MEF2D: variants seen among roughly 807,000 people sequenced by gnomAD.
The protein encoded by MEF2D is myocyte enhancer factor 2D.
Under a neutral mutation model 59.3 loss-of-function variants are expected in MEF2D, and 10 were observed. That is an observed-to-expected ratio of 0.17 (90% CI 0.10 to 0.29). The LOEUF (loss-of-function observed/expected upper bound fraction) is 0.29. MEF2D is among the 10% of genes least tolerant of loss of function. The pLI is 1.00. For missense variants in MEF2D, 508 were observed against 699.4 expected (o/e 0.73, Z 3.09); for synonymous variants, 305 against 295.0 (o/e 1.03, Z -0.35).
intron 1 of MEF2D, among the ~76,000 whole-genome samples, chr1:156,496,892 T>A (rs1385709525): frequency 6.6e-6 from 1 of 152,198 alleles, no homozygotes; most frequent in African/African-American, 2.4e-5. Flanking sequence ...CGCCTCAGAA[T>A]ACTTTCAGCC....
intron 9 of MEF2D, among the ~76,000 whole-genome samples, chr1:156,469,842 T>C (rs960945473): frequency 6.6e-6 from 1 of 151,424 alleles, no homozygotes; most frequent in Non-Finnish European, 1.5e-5. Flanking sequence ...GCTATGATCA[T>C]GCCACTGCAC....
In MEF2D at chr1:156,477,206, G is replaced by C; in HGVS notation, c.665-4C>G. The C allele has an allele frequency of 6.3e-7, 1 of 1,591,352 alleles. No individual in the cohort carries two copies. The highest frequency in any genetic ancestry group is 8.6e-7 in the Non-Finnish European group (1 of 1,167,600). On this transcript the variant is annotated splice_polypyrimidine_tract_variant and splice_region_variant and intron_variant, in intron 6 of 11. Coordinates refer to ENST00000348159, the MANE Select transcript of MEF2D (RefSeq NM_005920.4). ...CGAGCACTGACGTAGCCATTCCCTG[G>C]AGAAGTGACAACAAGAGGGTAAAAG... is the stretch of plus-strand genomic sequence containing the variant.
Position 156,479,635 on chromosome 1 carries a change from T to C in MEF2D, c.558A>G (p.Leu186=). The C allele has an allele frequency of 3.2e-6, 5 of 1,553,090 alleles. No individual in the cohort carries two copies. The highest frequency in any genetic ancestry group is 1.2e-5 in the South Asian group (1 of 84,146). Residue 186 remains leucine (L), a synonymous_variant, in exon 5 of 12, where the codon CTA becomes CTG. Transcript: ENST00000348159. ...PRLLSPQQPA[L]QRNSVSPGLP... is the part of the protein sequence containing the mutation. ...GGCCAGGAGACACACTGTTCCTCTGTAGTGCTGGCTGCTGGGGGGACAGGA... is the reference window on the plus strand; with the variant it reads ...GGCCAGGAGACACACTGTTCCTCTGCAGTGCTGGCTGCTGGGGGGACAGGA...
intron 1 of MEF2D, among the ~76,000 whole-genome samples, 171 bp from the exon 2 acceptor site, chr1:156,483,601 G>A (rs1191709375): frequency 6.6e-6 from 1 of 152,184 alleles, no homozygotes; most frequent in East Asian, 1.9e-4. Flanking sequence ...CCACAGCCAG[G>A]CACAAGCTGG....
In MEF2D at chr1:156,489,881, T is replaced by C. The variant is rs74116856; in HGVS notation, c.-138-6451A>G. On this transcript the variant is annotated intron_variant, in intron 1 of 11. Transcript: ENST00000348159. The stretch of plus-strand genomic sequence containing the variant: ...CCCAGCTGAATCCCCAGGCCCTGCC[T>C]TATTACCCAGTCTACCCTCAGGTTC... Among the ~76,000 whole-genome samples, 1,440 of 152,244 alleles carry C rather than the reference T, an allele frequency of 9.5e-3. 16 individuals carry two copies. Among genetic ancestry groups the C allele is most frequent in the South Asian group, 0.029 (140 of 4,830 alleles).
intron 1 of MEF2D, among the ~76,000 whole-genome samples, chr1:156,487,951 C>T (rs1049913018): frequency 2.0e-4 from 31 of 152,374 alleles, no homozygotes; most frequent in African/African-American, 7.0e-4. Flanking sequence ...AGGACTTGGG[C>T]TACCAAAGAG....
intron 9 of MEF2D, among the ~76,000 whole-genome samples, chr1:156,474,079 T>A (rs1378202242): frequency 1.3e-5 from 2 of 152,168 alleles, no homozygotes; most frequent in Non-Finnish European, 2.9e-5. Context: ...GCCTGAATGA[T>A]CTGCAGACCT....
intron 1 of MEF2D, among the ~76,000 whole-genome samples, chr1:156,497,737 A>C (rs1306259324): frequency 6.6e-6 from 1 of 152,110 alleles, no homozygotes; most frequent in East Asian, 1.9e-4. Flanking sequence ...TGTGTGGCAA[A>C]GTGTCCAACC....
At chr1:156,480,580 A>C in intron 4 of MEF2D, 7 of 1,487,604 alleles carry the variant, frequency 4.7e-6, no homozygotes, top group Non-Finnish European at 6.3e-6. Context: ...AGGGCAGCCG[A>C]GAGCCAGGGC....
chr1:156,468,707 C>T lies in MEF2D; in HGVS notation c.1247+73G>A, dbSNP rs1571213929. 1 of 1,560,370 alleles carries T rather than the reference C, an allele frequency of 6.4e-7. No homozygotes were observed. Among genetic ancestry groups the T allele is most frequent in the East Asian group, 2.3e-5 (1 of 44,264 alleles). On this transcript the variant is annotated intron_variant, in intron 10 of 11. Transcript: ENST00000348159. This position sits in a 1 kb window ranked among gnomAD's most constrained non-coding sequence, Gnocchi z 4.3. ...CTAGAACCCTGCAGGGAACCCAGCT[C>T]CCAAGAGGTCCCTCCTCTTCCCGTT... is the stretch of plus-strand genomic sequence containing the variant.
intron 9 of MEF2D, among the ~76,000 whole-genome samples, chr1:156,471,913 A>G (rs1411753644): frequency 6.6e-6 from 1 of 152,168 alleles, no homozygotes. Context: ...GAGATGAGAA[A>G]TCTCACACAC....
intron 6 of MEF2D, among the ~76,000 whole-genome samples, chr1:156,477,413 T>G (rs1671688116): frequency 6.6e-6 from 1 of 152,162 alleles, no homozygotes; most frequent in African/African-American, 2.4e-5. Flanking sequence ...ATCTTTAGGT[T>G]CGTTCCCCTA....
intron 7 of MEF2D, 116 bp from the exon 8 acceptor site, chr1:156,476,630 C>T: frequency 7.8e-7 from 1 of 1,283,538 alleles, no homozygotes; most frequent in Non-Finnish European, 1.1e-6. Flanking sequence ...GGTGGCTCTA[C>T]CCAGCCTACA....
chr1:156,481,804 G>A (rs961879996), intron 3 of MEF2D, among the ~76,000 whole-genome samples: 1 of 152,192 alleles, frequency 6.6e-6, no homozygotes, highest in African/African-American at 2.4e-5. Flanking sequence ...TGAGAAGCAG[G>A]GACATTCAAT....
At chr1:156,492,472 C>T (rs1354507329) in intron 1 of MEF2D, among the ~76,000 whole-genome samples, 1 of 152,218 alleles carries the variant, frequency 6.6e-6, no homozygotes, top group Non-Finnish European at 1.5e-5. Context: ...GACAACCAAT[C>T]TCCTACCTAC....
At chr1:156,493,342 G>C (rs1003925671) in intron 1 of MEF2D, among the ~76,000 whole-genome samples, 76 of 152,198 alleles carry the variant, frequency 5.0e-4, no homozygotes, top group African/African-American at 1.8e-3. Context: ...TCATGACCTC[G>C]AGAAGCCACT....
At chr1:156,493,650 G>C (rs746920615) in intron 1 of MEF2D, among the ~76,000 whole-genome samples, 9 of 152,136 alleles carry the variant, frequency 5.9e-5, no homozygotes, top group Non-Finnish European at 1.3e-4. Context: ...CCAATACCTG[G>C]CTTCTCACCC....
Position 156,480,970 on chromosome 1 carries a change from G to C in MEF2D, c.260C>G (p.Thr87Ser). The C allele has an allele frequency of 6.2e-7, 1 of 1,611,782 alleles. No individual in the cohort carries two copies. Reference sequence around the variant, plus strand: ...GCCGTTGAAGCCCTTCTTCCTCAGGGTCTGTAACCGCACCACTGCCATCAG... The same window carrying C: ...GCCGTTGAAGCCCTTCTTCCTCAGGCTCTGTAACCGCACCACTGCCATCAG... ...ESRTNADIIE[T>S]LRKKGFNGCD... is the part of the protein sequence containing the mutation. Residue 87 changes from threonine to serine, a missense_variant and splice_region_variant, in exon 4 of 12, where the codon ACC (threonine) becomes AGC (serine). This residue lies in a region of MEF2D where 481 missense variants were observed against 584.7 expected (regional missense o/e 0.82). Coordinates refer to ENST00000348159, the MANE Select transcript of MEF2D (RefSeq NM_005920.4).
At chr1:156,494,559 G>A (rs1673016718) in intron 1 of MEF2D, among the ~76,000 whole-genome samples, 1 of 152,070 alleles carries the variant, frequency 6.6e-6, no homozygotes, top group Non-Finnish European at 1.5e-5. Context: ...AACCCTCAAG[G>A]CCTCCTCAAT....
Sources: allele counts gnomAD v4.1 joint callset (sites outside exome capture counted in the v4.1 genomes callset), GRCh38; gene constraint gnomAD v4.1.1; regional missense constraint gnomAD v4.1.1; non-coding constraint Gnocchi (gnomAD v3.1); transcripts MANE v1.5; gene names NCBI Gene and HGNC (gene_info 2026-07-23, HGNC 2026-07-21).